ETFRF1: variants seen among roughly 807,000 people sequenced by gnomAD.
The protein encoded by ETFRF1 is electron transfer flavoprotein regulatory factor 1.
Under a neutral mutation model 9.0 loss-of-function variants are expected in ETFRF1, and 12 were observed. The observed-to-expected ratio is 1.34, with a 90% CI of 0.86 to 2.16. The LOEUF (loss-of-function observed/expected upper bound fraction) is 2.16, where lower values mean the gene tolerates loss of function less well. Among genes scored for constraint, ETFRF1 ranks in the 30% most tolerant of loss-of-function variants. ETFRF1 has a pLI of 0.00. For missense variants in ETFRF1, 98 were observed against 101.8 expected (o/e 0.96, Z 0.16); for synonymous variants, 34 against 33.2 (o/e 1.02, Z -0.08).
chr12:25,204,360 C>G lies in ETFRF1; in HGVS notation c.*48C>G. 1 of 1,372,878 alleles carries G rather than the reference C, an allele frequency of 7.3e-7. No homozygotes were observed. 85.0% of individuals were successfully genotyped at this position (1,372,878 alleles called of 1,614,324 possible). ...ATCAGTGCCAGCTGTTTATGTATACCAGATGTTGTAAAATAATTCTAACTT... is the reference window on the plus strand; with the variant it reads ...ATCAGTGCCAGCTGTTTATGTATACGAGATGTTGTAAAATAATTCTAACTT... On this transcript the variant is annotated 3_prime_UTR_variant, in exon 3 of 3. Transcript: ENST00000381356.
chr12:25,202,048 G>A (rs147744959), intron 1 of ETFRF1, among the ~76,000 whole-genome samples: 1,349 of 43,070 alleles, frequency 0.031, 69 homozygotes, highest in East Asian at 0.25. Context: ...GTGAAACCCC[G>A]TCTCTACTGA....
intron 1 of ETFRF1, among the ~76,000 whole-genome samples, chr12:25,197,342 T>C (rs550056888): frequency 6.6e-6 from 1 of 152,222 alleles, no homozygotes; most frequent in East Asian, 1.9e-4. Context: ...AGTTACAAAT[T>C]GTGAATTAAA....
intron 1 of ETFRF1, among the ~76,000 whole-genome samples, chr12:25,202,102 G>GCGCACA (rs1951079320): frequency 7.7e-6 from 1 of 129,762 alleles, no homozygotes; most frequent in South Asian, 2.5e-4. Context: ...GCGTGGTGGC[G>GCGCACA]CGCACACGTA....
chr12:25,195,267 A>AC lies in ETFRF1; in HGVS notation c.-104dup. ...CAGGTTGCCCACCTCCCCCAACGCC[A>AC]CCCCGCTTCGCAGTAGACGGACAGA... On this transcript the variant is annotated 5_prime_UTR_variant, in exon 1 of 3. Coordinates refer to ENST00000381356, the MANE Select transcript of ETFRF1 (RefSeq NM_001001660.3). The AC allele has an allele frequency of 1.5e-6, 1 of 649,256 alleles. No homozygotes were observed. Among genetic ancestry groups the AC allele is most frequent in the Non-Finnish European group, 2.8e-6 (1 of 363,044 alleles). 40.2% of individuals were successfully genotyped at this position (649,256 alleles called of 1,614,324 possible).
chr12:25,196,878 G>A (rs1951025950), intron 1 of ETFRF1, among the ~76,000 whole-genome samples: 1 of 152,150 alleles, frequency 6.6e-6, no homozygotes, highest in Non-Finnish European at 1.5e-5. Context: ...TGCATTGCCT[G>A]GTGTGGTGGC....
chr12:25,204,092 T>G lies in ETFRF1; in HGVS notation c.53T>G (p.Leu18Arg). 1 of 1,575,614 alleles carries G rather than the reference T, an allele frequency of 6.3e-7. No homozygotes were observed. Among genetic ancestry groups the G allele is most frequent in the Non-Finnish European group, 8.6e-7 (1 of 1,158,908 alleles). The change falls in exon 3 of 3, where the codon CTG becomes CGG. Residue 18 changes from leucine (L) to arginine (R), a missense_variant and splice_region_variant. Leu to Arg is a moderately radical substitution (Grantham distance 102, BLOSUM62 -2). Transcript: ENST00000381356. ...RGEVLKLYKN[L>R]LYLGRDYPKG... The stretch of plus-strand genomic sequence containing the variant: ...AATATATAATCTTTCTTTTTGAAGC[T>G]GCTGTATCTTGGACGAGACTATCCA...
intron 1 of ETFRF1, among the ~76,000 whole-genome samples, chr12:25,199,619 T>TACACACACACACACAC (rs56221882): frequency 0.05 from 7,238 of 143,480 alleles, 234 homozygotes; most frequent in Middle Eastern, 0.072. Context: ...TATGTATACA[T>TACACACACACACACAC]ACACACACAC....
chr12:25,195,977 C>A (rs564226479), intron 1 of ETFRF1: 140 of 152,314 alleles, frequency 9.2e-4, no homozygotes, highest in African/African-American at 3.1e-3. Flanking sequence ...AATTGTAGGG[C>A]ATACCTACAC....
chr12:25,203,813 A>G (rs1159604640), intron 1 of ETFRF1, 107 bp from the exon 2 acceptor site: 1 of 616,482 alleles, frequency 1.6e-6, no homozygotes, highest in Non-Finnish European at 2.6e-6. Flanking sequence ...ATCAAGAAAT[A>G]TTTATTGAAT....
At chr12:25,203,825 TA>T in intron 1 of ETFRF1, 94 bp from the exon 2 acceptor site, 3 of 672,232 alleles carry the variant, frequency 4.5e-6, no homozygotes, top group Non-Finnish European at 6.9e-6. Context: ...TTATTGAATG[TA>T]AAAAAGGTTA....
intron 1 of ETFRF1, among the ~76,000 whole-genome samples, chr12:25,202,063 C>CAAAAAAAAAAAAAAAAAAAAAAAATAAAA (rs149050811): frequency 1.9e-5 from 1 of 52,814 alleles, no homozygotes; most frequent in Non-Finnish European, 3.7e-5. Flanking sequence ...TACTGAAATA[C>CAAAAAAAAAAAAAAAAAAAAAAAATAAAA]AAAAAAAAAA....
intron 1 of ETFRF1, chr12:25,195,961 C>T (rs1245331365): frequency 1.3e-5 from 2 of 152,126 alleles, no homozygotes; most frequent in Non-Finnish European, 2.9e-5. Context: ...CGACTGAGTT[C>T]TCTGTAATTG....
At chr12:25,203,716 C>A in intron 1 of ETFRF1, 1 of 353,060 alleles carries the variant, frequency 2.8e-6, no homozygotes. Flanking sequence ...TTGCTTATGT[C>A]TCCCATAGGA....
chr12:25,204,610 T>A lies in ETFRF1; in HGVS notation c.*298T>A, dbSNP rs199675577. On this transcript the variant is annotated 3_prime_UTR_variant, in exon 3 of 3. Transcript: ENST00000381356. ...TCTAACTTAATAGGACTTAGCCAAT[T>A]ATTTTTAGCTTATTTCTCCATTTTA... The A allele has an allele frequency of 3.9e-5, 9 of 229,278 alleles. No individual in the cohort carries two copies. The East Asian group carries it at 5.9e-4, about 15-fold the overall frequency. The allele number at this position is 229,278 out of a possible 1,614,324, so 14.2% of individuals were successfully genotyped here.
At chr12:25,196,335 C>G (rs1951004503) in intron 1 of ETFRF1, among the ~76,000 whole-genome samples, 1 of 152,142 alleles carries the variant, frequency 6.6e-6, no homozygotes, top group Non-Finnish European at 1.5e-5. Context: ...TTCAGTAAAA[C>G]TAATGTTTAA....
chr12:25,201,375 C>T (rs1951071908), intron 1 of ETFRF1, among the ~76,000 whole-genome samples: 1 of 152,128 alleles, frequency 6.6e-6, no homozygotes, highest in Non-Finnish European at 1.5e-5. Flanking sequence ...AGCATTGTTG[C>T]CCTTTTCCTT....
chr12:25,204,422 T>C lies in ETFRF1; in HGVS notation c.*110T>C. ...ATATACATGTTGTGTAAAAAATCCC[T>C]GAGCTGCCCTACTGAACTAAATAGG... is the stretch of plus-strand genomic sequence containing the variant. On this transcript the variant is annotated 3_prime_UTR_variant, in exon 3 of 3. Coordinates refer to ENST00000381356, the MANE Select transcript of ETFRF1 (RefSeq NM_001001660.3). The C allele has an allele frequency of 1.2e-6, 1 of 857,052 alleles. No individual in the cohort carries two copies. The allele number at this position is 857,052 out of a possible 1,614,324, so 53.1% of individuals were successfully genotyped here.
In ETFRF1 at chr12:25,203,954, T is replaced by C. The variant is rs1446112265; in HGVS notation, c.-3T>C. 1 of 1,461,766 alleles carries C rather than the reference T, an allele frequency of 6.8e-7. No individual in the cohort carries two copies. The highest frequency in any genetic ancestry group is 9.0e-7 in the Non-Finnish European group (1 of 1,106,974). 90.5% of individuals were successfully genotyped at this position (1,461,766 alleles called of 1,614,324 possible). A position where few individuals can be genotyped will look rare whatever the true frequency, so the allele number is the denominator to read the frequency against. ...GCATAAAAGTGGATAATTTACATGA[T>C]AAATGAAAATGGCCAATTCTTTAAG... On this transcript the variant is annotated 5_prime_UTR_variant, in exon 2 of 3. Coordinates refer to ENST00000381356, the MANE Select transcript of ETFRF1 (RefSeq NM_001001660.3).
chr12:25,200,067 A>G (rs1951062737), intron 1 of ETFRF1, among the ~76,000 whole-genome samples: 1 of 152,080 alleles, frequency 6.6e-6, no homozygotes, highest in African/African-American at 2.4e-5. Context: ...TAAATTAGCC[A>G]TGCTTAGTGG....
Sources: allele counts gnomAD v4.1 joint callset (sites outside exome capture counted in the v4.1 genomes callset), GRCh38; gene constraint gnomAD v4.1.1; transcripts MANE v1.5; gene names NCBI Gene and HGNC (gene_info 2026-07-23, HGNC 2026-07-21).